Variants in ARHGEF7 observed in about 807,000 individuals in gnomAD.
The protein encoded by ARHGEF7 is PAK-interacting exchange factor beta.
Under a neutral mutation model 109.8 loss-of-function variants are expected in ARHGEF7, and 33 were observed. The observed-to-expected ratio is 0.30, with a 90% CI of 0.23 to 0.40. ARHGEF7 has a LOEUF of 0.40. Ranked by LOEUF, ARHGEF7 falls within the 10% of genes least tolerant of loss-of-function variation. The pLI is 1.00. For synonymous variants in ARHGEF7, 458 were observed against 424.6 expected (o/e 1.08, Z -0.97); for missense variants, 938 against 1,098.5 (o/e 0.85, Z 2.07).
At chr13:111,160,222 A>G (rs1267312107) in intron 2 of ARHGEF7, among the ~76,000 whole-genome samples, 1 of 152,090 alleles carries the variant, frequency 6.6e-6, no homozygotes, top group East Asian at 1.9e-4. Context: ...GTCTGCTTTT[A>G]TGCTAGTGCC....
intron 2 of ARHGEF7, among the ~76,000 whole-genome samples, chr13:111,189,732 G>A (rs1480608435): frequency 1.3e-5 from 2 of 151,974 alleles, no homozygotes; most frequent in East Asian, 1.9e-4. Context: ...CGATTGGTGC[G>A]TTTTTACAGA....
At chr13:111,292,748 C>T (rs933262395) in intron 19 of ARHGEF7, 1 of 1,009,698 alleles carries the variant, frequency 9.9e-7, no homozygotes, top group African/African-American at 1.7e-5. Context: ...TCTGTAGGGA[C>T]CTAAATTTTT....
chr13:111,136,306 A>G (rs1208301145), intron 1 of ARHGEF7, among the ~76,000 whole-genome samples: 1 of 152,214 alleles, frequency 6.6e-6, no homozygotes, highest in African/African-American at 2.4e-5. Flanking sequence ...TCTCAGCACC[A>G]CATCACACCT....
chr13:111,277,390 A>G (rs1040905549), intron 12 of ARHGEF7, among the ~76,000 whole-genome samples, 197 bp from the exon 13 acceptor site: 5 of 152,216 alleles, frequency 3.3e-5, no homozygotes, highest in Admixed American at 3.3e-4. Flanking sequence ...TCTCATAATC[A>G]TATGTTAAGA....
At chr13:111,209,790 A>T in intron 3 of ARHGEF7, 82 bp from the exon 4 acceptor site, 1 of 1,503,124 alleles carries the variant, frequency 6.7e-7, no homozygotes, top group Non-Finnish European at 9.0e-7. Context: ...GTGCTGCCCT[A>T]GTTTTAAAGT....
chr13:111,197,113 C>G (rs540627912), intron 2 of ARHGEF7, among the ~76,000 whole-genome samples: 10 of 152,280 alleles, frequency 6.6e-5, no homozygotes, highest in African/African-American at 2.2e-4. Flanking sequence ...GCCCAAGAAC[C>G]TATAATGGTC....
chr13:111,123,165 T>C (rs1390433575), intron 1 of ARHGEF7, among the ~76,000 whole-genome samples: 1 of 152,234 alleles, frequency 6.6e-6, no homozygotes, highest in East Asian at 1.9e-4. Flanking sequence ...GTGGCAGAAG[T>C]GGCCAGTGTT....
chr13:111,262,032 A>G lies in ARHGEF7; in HGVS notation c.951-5516A>G, dbSNP rs572611341. On this transcript the variant is annotated intron_variant, in intron 8 of 21. Transcript: ENST00000646102. ...AAAGTAGAAAAACTTCAAATAAACA[A>G]CCTTAATGATGCATCTTAACAAGAA... 4.9e-4 allele frequency among the ~76,000 whole-genome samples: 75 copies of G among 152,308 alleles called. 2 individuals carry two copies. The South Asian group carries it at 7.0e-3, about 14-fold the overall frequency.
chr13:111,234,656 T>C (rs1308169465), intron 6 of ARHGEF7, among the ~76,000 whole-genome samples: 2 of 152,206 alleles, frequency 1.3e-5, no homozygotes, highest in East Asian at 1.9e-4. Context: ...CTTTGACTTA[T>C]TTTTCCTTGT....
chr13:111,262,900 C>T (rs760285531), intron 8 of ARHGEF7, among the ~76,000 whole-genome samples: 20 of 152,334 alleles, frequency 1.3e-4, no homozygotes, highest in Non-Finnish European at 2.1e-4. Context: ...GTGGGAGCAG[C>T]TGGCATGATG....
chr13:111,180,746 G>A (rs1327501992), intron 2 of ARHGEF7, among the ~76,000 whole-genome samples: 1 of 152,234 alleles, frequency 6.6e-6, no homozygotes, highest in Non-Finnish European at 1.5e-5. Context: ...GAGAATGAGA[G>A]CAGTACAGTT....
intron 8 of ARHGEF7, among the ~76,000 whole-genome samples, chr13:111,259,279 A>C (rs1005984523): frequency 3.3e-5 from 5 of 152,174 alleles, no homozygotes; most frequent in African/African-American, 1.2e-4. Context: ...CCTTGGGTGC[A>C]GTCCAGTGCT....
At chr13:111,235,768 A>G (rs1056373715) in intron 6 of ARHGEF7, among the ~76,000 whole-genome samples, 1 of 152,358 alleles carries the variant, frequency 6.6e-6, no homozygotes, top group Non-Finnish European at 1.5e-5. Flanking sequence ...AGAACAAAAC[A>G]TGATAGATAA....
At position 111,153,971 on chromosome 13, in the gene ARHGEF7, G is replaced by A; in HGVS notation, c.232G>A (p.Gly78Arg). Residue 78 changes from glycine to arginine, a missense_variant, in exon 2 of 22, where the codon GGG (glycine) becomes AGG (arginine). Gly to Arg is a moderately radical substitution (Grantham distance 125). This residue lies in a region of ARHGEF7 where 165 missense variants were observed against 125.8 expected (regional missense o/e 1.31). Coordinates refer to ENST00000646102, the MANE Select transcript of ARHGEF7 (RefSeq NM_001354046.2). ...SNIREFLRGCGASLRLETFDA... is the reference protein window; with the variant it reads ...SNIREFLRGCRASLRLETFDA... Reference sequence around the variant, plus strand: ...CATCCGCGAGTTCCTGCGCGGCTGCGGGGCTTCCCTGCGGCTGGAGGTGAG... The same window carrying A: ...CATCCGCGAGTTCCTGCGCGGCTGCAGGGCTTCCCTGCGGCTGGAGGTGAG... 6.2e-7 allele frequency: 1 copy of A among 1,603,262 alleles called. No homozygotes were observed. Among genetic ancestry groups the A allele is most frequent in the Non-Finnish European group, 8.5e-7 (1 of 1,176,740 alleles).
intron 1 of ARHGEF7, among the ~76,000 whole-genome samples, chr13:111,124,266 A>T (rs2067409973): frequency 6.6e-6 from 1 of 152,182 alleles, no homozygotes; most frequent in Non-Finnish European, 1.5e-5. Context: ...ACATCATGTG[A>T]TCTTTCAAGT....
intron 1 of ARHGEF7, chr13:111,153,654 G>T (rs2076038991): frequency 8.2e-7 from 1 of 1,224,084 alleles, no homozygotes; most frequent in Non-Finnish European, 1.0e-6. Context: ...GTCACTTCCG[G>T]CGCCGGGGCT....
At chr13:111,176,010 G>A (rs149617369) in intron 2 of ARHGEF7, among the ~76,000 whole-genome samples, 27 of 152,282 alleles carry the variant, frequency 1.8e-4, no homozygotes, top group East Asian at 7.7e-4. Context: ...AGAGCATGGA[G>A]GTAACTGCCC....
rs759870279 is a variant in ARHGEF7, at chr13:111,115,653, A to C, written c.127A>C (p.Arg43=). Residue 43 remains arginine (R), a synonymous_variant, in exon 1 of 22, where the codon AGG becomes CGG. Coordinates refer to ENST00000646102, the MANE Select transcript of ARHGEF7 (RefSeq NM_001354046.2). ...GCTGAAGGATGGGGTGGTCCTCTGC[A>C]GGCTGCTGGAGCGCCTGCTCCCCGG... is the stretch of plus-strand genomic sequence containing the variant. ...ASLKDGVVLC[R]LLERLLPGTI... The C allele has an allele frequency of 1.5e-6, 2 of 1,330,178 alleles. No individual in the cohort carries two copies. The highest frequency in any genetic ancestry group is 1.9e-6 in the Non-Finnish European group (2 of 1,031,010). The allele number at this position is 1,330,178 out of a possible 1,614,324, so 82.4% of individuals were successfully genotyped here.
At chr13:111,299,516 G>T (rs529518079) in intron 19 of ARHGEF7, among the ~76,000 whole-genome samples, 4 of 151,912 alleles carry the variant, frequency 2.6e-5, no homozygotes, top group Admixed American at 2.6e-4. Context: ...CTAATTTTTT[G>T]TATTTTTAGT....
Sources: gnomAD v4.1 joint callset for allele counts (sites outside exome capture counted in the v4.1 genomes callset) on GRCh38, gnomAD v4.1.1 for gene constraint, gnomAD v4.1.1 regional missense constraint, MANE v1.5 for transcripts, NCBI Gene and HGNC (gene_info 2026-07-23, HGNC 2026-07-21) for gene names.